Variants in SH3RF1 observed in about 807,000 individuals in gnomAD.
The protein encoded by SH3RF1 is SH3 domain containing ring finger 1, also known as E3 ubiquitin-protein ligase SH3RF1.
In SH3RF1, 32 loss-of-function variants were observed where a neutral mutation model predicts 74.0. The ratio of observed to expected loss-of-function variants is 0.43; its 90% CI spans 0.33 to 0.58. SH3RF1 has a LOEUF of 0.58. SH3RF1 is among the 20% of genes least tolerant of loss of function. The pLI is 0.05. For missense variants in SH3RF1, 954 were observed against 1,130.9 expected (o/e 0.84, Z 2.24); for synonymous variants, 396 against 439.6 (o/e 0.90, Z 1.24).
intron 2 of SH3RF1, among the ~76,000 whole-genome samples, chr4:169,243,030 G>C (rs551969549): frequency 1.3e-5 from 2 of 152,270 alleles, no homozygotes; most frequent in African/African-American, 4.8e-5. Flanking sequence ...GCATGAAAAA[G>C]AACTCATTTC....
chr4:169,183,026 G>A (rs1459316203), intron 2 of SH3RF1, among the ~76,000 whole-genome samples: 1 of 152,048 alleles, frequency 6.6e-6, no homozygotes, highest in Non-Finnish European at 1.5e-5. Context: ...GGGGCGGGGT[G>A]CGGGCATGGT....
rs149484684 is a variant in SH3RF1 at position 169,106,910 on chromosome 4, G to A, written c.2435C>T (p.Pro812Leu). ...ACCCAGGGAGGAACAGGCCTGGCGAGGAGGTGGAGCGATGGGAACTGCGGA... is the reference window on the plus strand; with the variant it reads ...ACCCAGGGAGGAACAGGCCTGGCGAAGAGGTGGAGCGATGGGAACTGCGGA... ...LDSAVPIAPP[P>L]RQACSSLGPV... The change falls in exon 11 of 12, where the codon CCT (proline) becomes CTT (leucine). Residue 812 changes from proline (P) to leucine (L), a missense_variant. Pro to Leu is a moderately conservative substitution (Grantham distance 98). Coordinates refer to ENST00000284637, the MANE Select transcript of SH3RF1 (RefSeq NM_020870.4). 1 of 1,613,562 alleles carries A rather than the reference G, an allele frequency of 6.2e-7. No individual in the cohort carries two copies. The highest frequency in any genetic ancestry group is 8.5e-7 in the Non-Finnish European group (1 of 1,179,976).
chr4:169,157,438 C>T (rs1473132472), intron 2 of SH3RF1, among the ~76,000 whole-genome samples: 2 of 152,202 alleles, frequency 1.3e-5, no homozygotes, highest in Non-Finnish European at 2.9e-5. Flanking sequence ...AATGTTCCTG[C>T]ATTGCATTAC....
intron 6 of SH3RF1, 74 bp from the exon 7 acceptor site, chr4:169,122,340 T>C: frequency 6.9e-7 from 1 of 1,458,628 alleles, no homozygotes; most frequent in Non-Finnish European, 9.2e-7. Flanking sequence ...CTATGGAAGG[T>C]GGGAGAGAAA....
rs1050163088 is a variant in SH3RF1, at chr4:169,094,794, G to C, written c.*1725C>G. 8 of 148,336 alleles carry C rather than the reference G, an allele frequency of 5.4e-5. No homozygotes were observed. The highest frequency in any genetic ancestry group is 2.0e-4 in the African/African-American group (8 of 40,436). 9.2% of individuals were successfully genotyped at this position (148,336 alleles called of 1,614,324 possible). On this transcript the variant is annotated 3_prime_UTR_variant, in exon 12 of 12. Transcript: ENST00000284637. Reference sequence around the variant, plus strand: ...ATACATTGTTTTTTTTTAAAAAAAAGGTTAATTTAGGAATGATTTCATCTT... The same window carrying C: ...ATACATTGTTTTTTTTTAAAAAAAACGTTAATTTAGGAATGATTTCATCTT...
chr4:169,132,088 T>G (rs897137687), intron 5 of SH3RF1, among the ~76,000 whole-genome samples: 4 of 152,234 alleles, frequency 2.6e-5, no homozygotes, highest in African/African-American at 7.2e-5. Context: ...TTTTGTTGCT[T>G]CATTCTTTCC....
intron 2 of SH3RF1, among the ~76,000 whole-genome samples, chr4:169,221,051 G>T (rs1730557726): frequency 1.3e-5 from 2 of 152,152 alleles, no homozygotes; most frequent in South Asian, 2.1e-4. Context: ...ATGTGAAAAG[G>T]TCTCAAGTAG....
chr4:169,178,674 G>A (rs1734461313), intron 2 of SH3RF1, among the ~76,000 whole-genome samples: 1 of 152,138 alleles, frequency 6.6e-6, no homozygotes. Context: ...AAATTTATGG[G>A]ATTTAGGCCT....
chr4:169,178,145 G>C (rs1001613214), intron 2 of SH3RF1, among the ~76,000 whole-genome samples: 1 of 151,820 alleles, frequency 6.6e-6, no homozygotes, highest in Non-Finnish European at 1.5e-5. Context: ...AGAGGCTGAG[G>C]CAGAAGAATC....
chr4:169,126,563 C>T (rs540253092), intron 6 of SH3RF1, among the ~76,000 whole-genome samples: 20 of 152,248 alleles, frequency 1.3e-4, no homozygotes, highest in African/African-American at 4.6e-4. Context: ...CACATACAAA[C>T]ATGTATGTGT....
intron 2 of SH3RF1, among the ~76,000 whole-genome samples, chr4:169,162,266 A>C (rs911654046): frequency 6.6e-6 from 1 of 152,252 alleles, no homozygotes; most frequent in Non-Finnish European, 1.5e-5. Flanking sequence ...ATTTCATGAA[A>C]ATATTGATTC....
intron 11 of SH3RF1, among the ~76,000 whole-genome samples, chr4:169,101,946 C>T (rs1479776564): frequency 1.3e-5 from 2 of 152,168 alleles, no homozygotes; most frequent in Non-Finnish European, 2.9e-5. Flanking sequence ...ATTTTAACTT[C>T]CATCTGAATG....
At chr4:169,123,785 G>A (rs921231067) in intron 6 of SH3RF1, among the ~76,000 whole-genome samples, 22 of 152,042 alleles carry the variant, frequency 1.4e-4, no homozygotes, top group Middle Eastern at 3.2e-3. Context: ...CCAGCTACTC[G>A]GGAGGCTGAG....
chr4:169,171,262 T>C (rs1351759429), intron 2 of SH3RF1, among the ~76,000 whole-genome samples: 1 of 152,214 alleles, frequency 6.6e-6, no homozygotes, highest in Non-Finnish European at 1.5e-5. Context: ...CCATGAATCC[T>C]CTCTGACCAC....
At chr4:169,151,194 C>A (rs17054780) in intron 4 of SH3RF1, among the ~76,000 whole-genome samples, 1 of 152,100 alleles carries the variant, frequency 6.6e-6, no homozygotes, top group Non-Finnish European at 1.5e-5. Flanking sequence ...CCTGCGGAAC[C>A]GGCCCTTGGG....
intron 2 of SH3RF1, among the ~76,000 whole-genome samples, chr4:169,229,473 C>G (rs1400152922): frequency 2.0e-5 from 3 of 151,064 alleles, no homozygotes; most frequent in Non-Finnish European, 4.4e-5. Flanking sequence ...CACCCCCCCA[C>G]CCAAAAAAAA....
chr4:169,240,483 G>C (rs777447248), intron 2 of SH3RF1, among the ~76,000 whole-genome samples: 2 of 152,124 alleles, frequency 1.3e-5, no homozygotes, highest in African/African-American at 2.4e-5. Flanking sequence ...CAGAGCGTGA[G>C]CCCTTGCATC....
intron 2 of SH3RF1, among the ~76,000 whole-genome samples, chr4:169,255,622 TACACACACAC>T (rs56229906): frequency 2.0e-4 from 25 of 124,662 alleles, no homozygotes; most frequent in African/African-American, 6.0e-4. Context: ...CATACACACA[TACACACACAC>T]ACACACACAC....
At chr4:169,136,192 C>T in intron 5 of SH3RF1, 126 bp downstream of exon 5, 3 of 1,063,166 alleles carry the variant, frequency 2.8e-6, no homozygotes, top group South Asian at 3.0e-5. Context: ...GTTTTGCTTC[C>T]CAGAAAAGTT....
Sources: allele counts gnomAD v4.1 joint callset (sites outside exome capture counted in the v4.1 genomes callset), GRCh38; gene constraint gnomAD v4.1.1; transcripts MANE v1.5; gene names NCBI Gene and HGNC (gene_info 2026-07-23, HGNC 2026-07-21).